MIER1: variants seen among roughly 807,000 people sequenced by gnomAD.
MIER1 encodes the protein mesoderm induction early response protein 1.
MIER1 carries 40 observed loss-of-function variants against 75.7 expected under a neutral mutation model. The observed-to-expected ratio is 0.53, with a 90% CI of 0.41 to 0.69. MIER1 has a LOEUF of 0.69. Among genes scored for constraint, MIER1 ranks in the 30% least tolerant of loss-of-function variants. The probability of loss-of-function intolerance (pLI) is 0.00; values close to 1 mark genes in which losing one functional copy is unlikely to be tolerated. For missense variants in MIER1, 574 were observed against 680.2 expected, an observed-to-expected ratio of 0.84 and a Z score of 1.74; for synonymous variants, 213 against 223.4, an observed-to-expected ratio of 0.95 and a Z score of 0.42.
rs757337906 is a variant in MIER1 at position 66,981,803 on chromosome 1, C to T, written c.1254C>T (p.Asp418=). The part of the protein sequence containing the change: ...GVTDYMDRLL[D]ESESAASSRA... ...GGGATTACATGGATCGTCTTCTAGACGAAAGTGAAAGTGCTGCATCTAGTC... is the reference window on the plus strand; with the variant it reads ...GGGATTACATGGATCGTCTTCTAGATGAAAGTGAAAGTGCTGCATCTAGTC... The change falls in exon 13 of 14, where the codon GAC becomes GAT. Residue 418 remains aspartate (D), a synonymous_variant. Transcript: ENST00000401041. 1.9e-5 allele frequency: 30 copies of T among 1,613,458 alleles called. No individual in the cohort carries two copies. The highest frequency in any genetic ancestry group is 1.6e-4 in the Middle Eastern group (1 of 6,080).
In MIER1 at chr1:66,926,240, C is replaced by T; in HGVS notation, c.166C>T (p.Leu56=). ...CAATGCAGACAAGACGGATGTGATG[C>T]TGGTAGGCAGGGGTACACTTGGAGA... is the stretch of plus-strand genomic sequence containing the variant. The part of the protein sequence containing the change: ...RFNADKTDVM[L]PSVESSSPGG... The change falls in exon 2 of 14, where the codon CTG becomes TTG. Residue 56 remains leucine, a splice_region_variant and synonymous_variant. Transcript: ENST00000401041. The T allele has an allele frequency of 6.2e-7, 1 of 1,610,478 alleles. No individual in the cohort carries two copies. The highest frequency in any genetic ancestry group is 8.5e-7 in the Non-Finnish European group (1 of 1,176,800).
Position 66,985,810 on chromosome 1 carries a change from T to C in MIER1, c.*910T>C, listed in dbSNP as rs1190113373. 3.7e-6 allele frequency: 3 copies of C among 820,186 alleles called. No homozygotes were observed. Among genetic ancestry groups the C allele is most frequent in the Middle Eastern group, 6.1e-4 (1 of 1,638 alleles). 50.8% of individuals were successfully genotyped at this position (820,186 alleles called of 1,614,324 possible). On this transcript the variant is annotated 3_prime_UTR_variant, in exon 14 of 14. Coordinates refer to ENST00000401041, the MANE Select transcript of MIER1 (RefSeq NM_001077700.3). ...TGGTTAAAGCATTCATAAAGGATTA[T>C]AAAATTTTTTTTTTTTTTTTTTTTT...
intron 4 of MIER1, 149 bp from the exon 5 acceptor site, chr1:66,957,910 T>C (rs1660491643): frequency 1.1e-5 from 5 of 439,062 alleles, no homozygotes; most frequent in Non-Finnish European, 2.0e-5. Flanking sequence ...TTCAGAAATA[T>C]TTTCAGTTTT....
At chr1:66,943,358 A>C (rs570573875) in intron 3 of MIER1, among the ~76,000 whole-genome samples, 1 of 152,332 alleles carries the variant, frequency 6.6e-6, no homozygotes, top group East Asian at 1.9e-4. Context: ...TCTGGAAGAA[A>C]ATTAAGATAA....
chr1:66,954,248 TTGTTGTG>T (rs1391232209), intron 4 of MIER1, among the ~76,000 whole-genome samples: 1 of 152,192 alleles, frequency 6.6e-6, no homozygotes, highest in Non-Finnish European at 1.5e-5. Flanking sequence ...GTTGAGTGTT[TTGTTGTG>T]TGTGTAATTT....
intron 4 of MIER1, among the ~76,000 whole-genome samples, chr1:66,950,524 A>G (rs992681365): frequency 6.6e-6 from 1 of 152,204 alleles, no homozygotes; most frequent in Non-Finnish European, 1.5e-5. Flanking sequence ...TCCATTTGGG[A>G]AAAGAAAGAT....
chr1:66,985,828 TTTTTTTTTTA>T lies in MIER1; in HGVS notation c.*929_*938del, dbSNP rs2102155965. On this transcript the variant is annotated 3_prime_UTR_variant, in exon 14 of 14. Coordinates refer to ENST00000401041, the MANE Select transcript of MIER1 (RefSeq NM_001077700.3). Reference sequence around the variant, plus strand: ...AGGATTATAAAATTTTTTTTTTTTTTTTTTTTTTTAAATTTCTACTTAAGGGCAAGTAATT... The same window carrying T: ...AGGATTATAAAATTTTTTTTTTTTTTAATTTCTACTTAAGGGCAAGTAATT... 1 of 860,488 alleles carries T rather than the reference TTTTTTTTTTA, an allele frequency of 1.2e-6. No individual in the cohort carries two copies. Among genetic ancestry groups the T allele is most frequent in the South Asian group, 5.3e-5 (1 of 18,790 alleles). 53.3% of individuals were successfully genotyped at this position (860,488 alleles called of 1,614,324 possible). A position where few individuals can be genotyped will look rare whatever the true frequency, so the allele number is the denominator to read the frequency against.
At chr1:66,934,997 T>C (rs1020276112) in intron 2 of MIER1, among the ~76,000 whole-genome samples, 1 of 152,104 alleles carries the variant, frequency 6.6e-6, no homozygotes, top group Admixed American at 6.5e-5. Flanking sequence ...AAAGAAATGG[T>C]GGTAGAATTG....
chr1:66,948,987 G>A (rs1378399474), intron 4 of MIER1, among the ~76,000 whole-genome samples: 2 of 152,168 alleles, frequency 1.3e-5, no homozygotes, highest in African/African-American at 4.8e-5. Flanking sequence ...TTTAAAAGTA[G>A]GAGGCTGGGA....
At chr1:66,929,501 G>A (rs942410540) in intron 2 of MIER1, among the ~76,000 whole-genome samples, 17 of 152,212 alleles carry the variant, frequency 1.1e-4, no homozygotes, top group South Asian at 2.1e-4. Flanking sequence ...GGCAGCTGTA[G>A]GCCAATACAT....
chr1:66,985,545 A>ATTC lies in MIER1; in HGVS notation c.*647_*649dup. ...ATTCTTATCTGGGCTTAAGAAATAC[A>ATTC]TTCTGTATTTTTCCAGATTCTTTGT... On this transcript the variant is annotated 3_prime_UTR_variant, in exon 14 of 14. Coordinates refer to ENST00000401041, the MANE Select transcript of MIER1 (RefSeq NM_001077700.3). 1.0e-6 allele frequency: 1 copy of ATTC among 985,116 alleles called. No homozygotes were observed. The highest frequency in any genetic ancestry group is 1.2e-6 in the Non-Finnish European group (1 of 829,548). The allele number at this position is 985,116 out of a possible 1,614,324, so 61.0% of individuals were successfully genotyped here.
intron 13 of MIER1, among the ~76,000 whole-genome samples, chr1:66,982,897 G>A (rs557229942): frequency 1.3e-5 from 2 of 152,330 alleles, no homozygotes; most frequent in South Asian, 4.1e-4. Flanking sequence ...TGTTTGTCAC[G>A]TCCATTCTGA....
intron 2 of MIER1, among the ~76,000 whole-genome samples, chr1:66,931,846 G>C (rs948192562): frequency 7.9e-5 from 12 of 151,786 alleles, no homozygotes; most frequent in African/African-American, 2.9e-4. Context: ...TATACATTTT[G>C]TCAGTTAGTG....
At chr1:66,961,524 A>G (rs1438592685) in intron 7 of MIER1, among the ~76,000 whole-genome samples, 1 of 152,226 alleles carries the variant, frequency 6.6e-6, no homozygotes. Flanking sequence ...AGAAATGTTC[A>G]GAACTGAACA....
Position 66,926,241 on chromosome 1 carries a change from T to C in MIER1, c.167T>C (p.Leu56Pro). The change falls in exon 2 of 14, where the codon CTG becomes CCG. Residue 56 changes from leucine to proline, a missense_variant and splice_region_variant. Around this residue, in one of 3 missense-constraint regions of MIER1, gnomAD observed 309 missense variants for 352.8 expected, o/e 0.88. Transcript: ENST00000401041. ...AATGCAGACAAGACGGATGTGATGC[T>C]GGTAGGCAGGGGTACACTTGGAGAT... Reference protein sequence around the residue: ...RFNADKTDVMLPSVESSSPGG... With the variant: ...RFNADKTDVMPPSVESSSPGG... The C allele has an allele frequency of 1.2e-6, 2 of 1,610,224 alleles. No homozygotes were observed. The highest frequency in any genetic ancestry group is 1.7e-6 in the Non-Finnish European group (2 of 1,176,498).
At chr1:66,925,194 C>T (rs2100954111) in intron 1 of MIER1, 99 bp downstream of exon 1, 1 of 1,456,258 alleles carries the variant, frequency 6.9e-7, no homozygotes, top group Non-Finnish European at 9.0e-7. Context: ...CTTCCCCTCC[C>T]CCACGGCAGT....
At chr1:66,978,720 C>T (rs1022794000) in intron 12 of MIER1, among the ~76,000 whole-genome samples, 9 of 152,114 alleles carry the variant, frequency 5.9e-5, no homozygotes, top group African/African-American at 2.2e-4. Flanking sequence ...GCAGTAACAA[C>T]ATAAGAATGG....
chr1:66,973,242 A>G (rs1347052738), intron 11 of MIER1, among the ~76,000 whole-genome samples: 1 of 152,078 alleles, frequency 6.6e-6, no homozygotes, highest in Non-Finnish European at 1.5e-5. Flanking sequence ...CATGTTAATC[A>G]ACTTCTAGTT....
intron 11 of MIER1, among the ~76,000 whole-genome samples, chr1:66,975,580 C>G (rs1462107720): frequency 1.3e-5 from 2 of 151,930 alleles, no homozygotes; most frequent in Admixed American, 6.6e-5. Context: ...TTATATACAT[C>G]AGCCCTAAAT....
Sources: allele counts gnomAD v4.1 joint callset (sites outside exome capture counted in the v4.1 genomes callset), GRCh38; gene constraint gnomAD v4.1.1; regional missense constraint gnomAD v4.1.1; transcripts MANE v1.5; gene names NCBI Gene and HGNC (gene_info 2026-07-23, HGNC 2026-07-21).